Variants in C3orf49 observed in about 807,000 individuals in gnomAD.
C3orf49 encodes the protein putative uncharacterized protein C3orf49.
A neutral mutation model predicts 13.3 loss-of-function variants in C3orf49; 27 were observed. That is an observed-to-expected ratio of 2.02 (90% CI 1.49 to 2.79). The LOEUF (loss-of-function observed/expected upper bound fraction) is 2.79. Among genes scored for constraint, C3orf49 ranks in the 30% most tolerant of loss-of-function variants. The pLI is 0.00. For synonymous variants in C3orf49, 87 were observed against 47.6 expected (o/e 1.83, Z -3.40); for missense variants, 242 against 134.2 (o/e 1.80, Z -3.97).
chr3:63,807,833 G>A, the C3orf49 span, among the ~76,000 whole-genome samples: 9,928 of 130,586 alleles, frequency 0.076, 973 homozygotes, highest in African/African-American at 0.22. Flanking sequence ...TTCCAGCCTG[G>A]GCAACAAGAG....
upstream of C3orf49, among the ~76,000 whole-genome samples, chr3:63,815,821 C>T (rs1443407834): frequency 2.1e-5 from 3 of 143,386 alleles, no homozygotes; most frequent in Non-Finnish European, 4.5e-5. Context: ...GGCTGGAGTG[C>T]AGTGGCCTGA....
At chr3:63,836,952 T>C (rs1383857137) in intron 5 of C3orf49, among the ~76,000 whole-genome samples, 1 of 151,880 alleles carries the variant, frequency 6.6e-6, no homozygotes, top group Non-Finnish European at 1.5e-5. Flanking sequence ...ACGAAAACAC[T>C]GCAAAATATT....
chr3:63,807,910 A>AAATAAAT, the C3orf49 span, among the ~76,000 whole-genome samples: 1 of 151,264 alleles, frequency 6.6e-6, no homozygotes, highest in South Asian at 2.1e-4. Flanking sequence ...ATAAATAAAT[A>AAATAAAT]AATAAATAAA....
chr3:63,831,084 T>C (rs1358921153), intron 3 of C3orf49, 26 bp from the exon 4 acceptor site: 2 of 693,472 alleles, frequency 2.9e-6, no homozygotes, highest in Non-Finnish European at 5.2e-6. Flanking sequence ...GTTCCTAATC[T>C]GATGTGTTTT....
At chr3:63,844,698 C>T (rs1211147701) in intron 5 of C3orf49, among the ~76,000 whole-genome samples, 1 of 152,156 alleles carries the variant, frequency 6.6e-6, no homozygotes, top group Non-Finnish European at 1.5e-5. Context: ...TTTCTTTTCT[C>T]CATCTCACAC....
At chr3:63,819,256 A>G, upstream of C3orf49, 1 of 478,894 alleles carries the variant, frequency 2.1e-6, no homozygotes. Flanking sequence ...ATCACTGGTG[A>G]CCTCTGTGAA....
the C3orf49 span, among the ~76,000 whole-genome samples, chr3:63,792,996 C>A: frequency 1.3e-5 from 2 of 152,148 alleles, no homozygotes; most frequent in African/African-American, 2.4e-5. Flanking sequence ...ATTTTTATTT[C>A]TGCGAATAGA....
intron 5 of C3orf49, among the ~76,000 whole-genome samples, chr3:63,833,434 A>C (rs747830169): frequency 1.3e-5 from 2 of 152,132 alleles, no homozygotes; most frequent in Non-Finnish European, 1.5e-5. Context: ...TTTACTTCAA[A>C]CACTCTTCAC....
At chr3:63,839,339 C>T (rs771944563) in intron 5 of C3orf49, among the ~76,000 whole-genome samples, 1 of 152,168 alleles carries the variant, frequency 6.6e-6, no homozygotes, top group Non-Finnish European at 1.5e-5. Flanking sequence ...TAGCAGCAGC[C>T]TTTTATTAGC....
At chr3:63,817,098 A>G (rs1701332973), upstream of C3orf49, among the ~76,000 whole-genome samples, 1 of 151,894 alleles carries the variant, frequency 6.6e-6, no homozygotes, top group East Asian at 1.9e-4. Flanking sequence ...TTTCAAAGAC[A>G]CTGGGCTTCT....
intron 5 of C3orf49, chr3:63,835,052 T>G: frequency 8.8e-7 from 1 of 1,139,466 alleles, no homozygotes. Context: ...GTTCAGAAAT[T>G]GAAGGTATAC....
chr3:63,806,032 A>C, the C3orf49 span, among the ~76,000 whole-genome samples: 1 of 152,204 alleles, frequency 6.6e-6, no homozygotes, highest in Non-Finnish European at 1.5e-5. Context: ...TACAAGTGGA[A>C]TACTACTTCT....
chr3:63,835,433 G>A (rs1701611039), intron 5 of C3orf49: 2 of 1,578,964 alleles, frequency 1.3e-6, no homozygotes, highest in African/African-American at 2.7e-5. Flanking sequence ...GAATGGGGGA[G>A]AAGAGTTTAC....
chr3:63,806,535 C>T, the C3orf49 span, among the ~76,000 whole-genome samples: 2 of 152,120 alleles, frequency 1.3e-5, no homozygotes, highest in African/African-American at 4.8e-5. Context: ...TCAGTTAATT[C>T]AGATAAATAC....
the C3orf49 span, among the ~76,000 whole-genome samples, chr3:63,780,957 G>T: frequency 6.6e-6 from 1 of 151,702 alleles, no homozygotes; most frequent in African/African-American, 2.4e-5. Context: ...CACTCTGATG[G>T]TAGTTTCTTT....
chr3:63,813,836 C>CAA, the C3orf49 span, among the ~76,000 whole-genome samples: 1 of 152,202 alleles, frequency 6.6e-6, no homozygotes, highest in Admixed American at 6.5e-5. Context: ...TCCCCACATG[C>CAA]AAAGGTCTCC....
the C3orf49 span, among the ~76,000 whole-genome samples, chr3:63,812,642 T>C: frequency 6.6e-6 from 1 of 152,202 alleles, no homozygotes; most frequent in East Asian, 1.9e-4. Flanking sequence ...ATTCTAGAAG[T>C]GGTTGATTCT....
At chr3:63,794,943 C>T in the C3orf49 span, among the ~76,000 whole-genome samples, 2 of 152,156 alleles carry the variant, frequency 1.3e-5, no homozygotes, top group Admixed American at 6.5e-5. Flanking sequence ...AAACCCCCCA[C>T]CTTTTCTGCC....
chr3:63,791,528 G>A, the C3orf49 span, among the ~76,000 whole-genome samples: 1 of 152,174 alleles, frequency 6.6e-6, no homozygotes, highest in African/African-American at 2.4e-5. Flanking sequence ...GAACTCTGAT[G>A]CCTCTGGTAC....
Sources: gnomAD v4.1 joint callset for allele counts (sites outside exome capture counted in the v4.1 genomes callset) on GRCh38, gnomAD v4.1.1 for gene constraint, MANE v1.5 for transcripts, NCBI Gene and HGNC (gene_info 2026-07-23, HGNC 2026-07-21) for gene names.